Variants in RBFOX2 observed in about 807,000 individuals in gnomAD.
RBFOX2 encodes RNA binding fox-1 homolog 2.
RBFOX2 carries 10 observed loss-of-function variants against 49.1 expected under a neutral mutation model. That is an observed-to-expected ratio of 0.20 (90% CI 0.13 to 0.35). The LOEUF is 0.35. RBFOX2 is among the 10% of genes least tolerant of loss of function. The pLI is 1.00. For missense variants in RBFOX2, 323 were observed against 486.9 expected (o/e 0.66, Z 3.17); for synonymous variants, 183 against 187.4 (o/e 0.98, Z 0.19).
At chr22:35,770,491 T>C (rs149305520) in intron 4 of RBFOX2, among the ~76,000 whole-genome samples, 6 of 152,280 alleles carry the variant, frequency 3.9e-5, no homozygotes, top group African/African-American at 7.2e-5. Flanking sequence ...AATAGACATA[T>C]TGGTTTCATT....
chr22:35,925,135 T>C (rs1465673664), intron 1 of RBFOX2, among the ~76,000 whole-genome samples: 1 of 151,792 alleles, frequency 6.6e-6, no homozygotes, highest in Non-Finnish European at 1.5e-5. Context: ...GAGGTTGCAG[T>C]GAGCCGAGAT....
At chr22:35,924,144 CAT>C (rs1167712458) in intron 1 of RBFOX2, among the ~76,000 whole-genome samples, 3 of 152,186 alleles carry the variant, frequency 2.0e-5, no homozygotes, top group East Asian at 1.9e-4. Flanking sequence ...AGTGCCTGCA[CAT>C]AGTCAGTATT....
rs548277561 is a variant in RBFOX2, at chr22:36,014,569, C to CA, written c.186+13670dup. Among the ~76,000 whole-genome samples, 7 of 152,054 alleles carry CA rather than the reference C, an allele frequency of 4.6e-5. No individual in the cohort carries two copies. In the South Asian group the frequency reaches 1.2e-3, roughly 27 times the overall value. ...TATTTACTACTTGCTTCTAACACTG[C>CA]AAAAAATAACCCATAGTAAAGCTAA... On this transcript the variant is annotated intron_variant, in intron 1 of 13. Transcript: ENST00000438146.
At position 35,865,481 on chromosome 22, in the gene RBFOX2, C is replaced by T. The variant is rs1020970012; in HGVS notation, c.-33-55477G>A. ...CCCTACCTACACAGGTCCAAAAACC[C>T]GTATCTTTAATTCCAGCGTTCAAAA... On this transcript the variant is annotated intron_variant, in intron 1 of 13. Coordinates refer to the RBFOX2 transcript ENST00000359369. Among the ~76,000 whole-genome samples the T allele has an allele frequency of 4.6e-5, 7 of 152,080 alleles. No individual in the cohort carries two copies. In the South Asian group the frequency reaches 1.5e-3, roughly 32 times the overall value.
intron 1 of RBFOX2, among the ~76,000 whole-genome samples, chr22:36,018,313 T>C (rs775442992): frequency 1.3e-5 from 2 of 152,234 alleles, no homozygotes; most frequent in Non-Finnish European, 2.9e-5. Flanking sequence ...ACAAAAGGCA[T>C]CCAGGAGGAA....
chr22:35,902,070 ACT>A (rs1342135186), intron 1 of RBFOX2, among the ~76,000 whole-genome samples: 2 of 151,552 alleles, frequency 1.3e-5, no homozygotes, highest in African/African-American at 4.9e-5. Flanking sequence ...ACAGAGTGAG[ACT>A]CTGTCTCAAA....
rs561272647 is a variant in RBFOX2, at chr22:35,904,757, G to A, written c.-34+34090C>T. On this transcript the variant is annotated intron_variant, in intron 1 of 13. Coordinates refer to the RBFOX2 transcript ENST00000359369. ...CCAGTTCAAGCTCTCCTCTAATCAAGCTTGCTGTATATAAGTTAGTTAACT... is the reference window on the plus strand; with the variant it reads ...CCAGTTCAAGCTCTCCTCTAATCAAACTTGCTGTATATAAGTTAGTTAACT... Among the ~76,000 whole-genome samples, 3 of 152,230 alleles carry A rather than the reference G, an allele frequency of 2.0e-5. No individual in the cohort carries two copies. In the East Asian group the frequency reaches 5.8e-4, roughly 29 times the overall value.
chr22:36,023,980 TAAC>T (rs1171584405), intron 1 of RBFOX2, among the ~76,000 whole-genome samples: 13 of 152,356 alleles, frequency 8.5e-5, no homozygotes, highest in African/African-American at 2.4e-4. Context: ...TGGTACAACT[TAAC>T]AAGATTCAAC....
rs368940597 is a variant in RBFOX2 at position 36,010,027 on chromosome 22, T to C, written c.186+18213A>G. On this transcript the variant is annotated intron_variant, in intron 1 of 13. Transcript: ENST00000438146. The stretch of plus-strand genomic sequence containing the variant: ...CTCTTCTAAGGTAAAATCTACATCT[T>C]AGTGTGTGCTGCTGCCCTAGAGATG... Among the ~76,000 whole-genome samples, 14 of 152,166 alleles carry C rather than the reference T, an allele frequency of 9.2e-5. No homozygotes were observed. In the East Asian group the frequency reaches 2.1e-3, roughly 23 times the overall value.
chr22:35,895,003 G>A (rs1603441924), intron 1 of RBFOX2, among the ~76,000 whole-genome samples: 1 of 150,528 alleles, frequency 6.6e-6, no homozygotes, highest in African/African-American at 2.4e-5. Context: ...GAAAAGACTG[G>A]TCTCCTCCCC....
intron 1 of RBFOX2, among the ~76,000 whole-genome samples, chr22:35,854,909 C>T (rs1273084177): frequency 4.6e-5 from 7 of 151,992 alleles, no homozygotes; most frequent in Admixed American, 6.6e-5. Context: ...ACAAAACACA[C>T]TACAAAAAAT....
chr22:35,926,283 A>T (rs1384631707), intron 1 of RBFOX2, among the ~76,000 whole-genome samples: 1 of 152,246 alleles, frequency 6.6e-6, no homozygotes, highest in Non-Finnish European at 1.5e-5. Context: ...CAGCAAGAAT[A>T]TCCCTACTAA....
chr22:35,779,447 T>A lies in RBFOX2; in HGVS notation c.400-1369A>T, dbSNP rs565483821. On this transcript the variant is annotated intron_variant, in intron 3 of 11. Coordinates refer to ENST00000405409, the Ensembl canonical transcript of RBFOX2. ...CCTACTATCTTTATCAAAAAACTTG[T>A]ATTAATAACCCAAGTTTTCTACAGT... is the stretch of plus-strand genomic sequence containing the variant. Among the ~76,000 whole-genome samples, 13 of 152,328 alleles carry A rather than the reference T, an allele frequency of 8.5e-5. No individual in the cohort carries two copies. The South Asian group carries it at 2.5e-3, about 29-fold the overall frequency.
At chr22:35,795,754 C>T (rs1290419178) in intron 2 of RBFOX2, among the ~76,000 whole-genome samples, 1 of 151,446 alleles carries the variant, frequency 6.6e-6, no homozygotes, top group Non-Finnish European at 1.5e-5. Context: ...CAGCTATTTG[C>T]TCAAATCTCT....
chr22:35,835,254 T>C (rs1212227405), intron 1 of RBFOX2, among the ~76,000 whole-genome samples: 1 of 152,090 alleles, frequency 6.6e-6, no homozygotes, highest in Non-Finnish European at 1.5e-5. Flanking sequence ...ATACCAATAA[T>C]GTCAGATCCC....
intron 2 of RBFOX2, among the ~76,000 whole-genome samples, chr22:35,801,127 T>C (rs1199633531): frequency 6.6e-6 from 1 of 152,234 alleles, no homozygotes; most frequent in Non-Finnish European, 1.5e-5. Context: ...CCCAAAGGGA[T>C]ATTTTATAAA....
intron 1 of RBFOX2, among the ~76,000 whole-genome samples, chr22:35,991,456 A>G (rs1355560420): frequency 6.6e-6 from 1 of 152,228 alleles, no homozygotes; most frequent in Non-Finnish European, 1.5e-5. Context: ...AGATAAAAAA[A>G]ATTAGTCCAA....
intron 1 of RBFOX2, among the ~76,000 whole-genome samples, chr22:35,960,136 C>T (rs2056039020): frequency 6.6e-6 from 1 of 152,152 alleles, no homozygotes; most frequent in Non-Finnish European, 1.5e-5. Context: ...TATCTCCAGG[C>T]ACATTCTACC....
exon 12 of RBFOX2, chr22:35,743,497 G>A (rs1360424017): frequency 6.6e-6 from 1 of 152,168 alleles, no homozygotes; most frequent in African/African-American, 2.4e-5. Context: ...CACTGTCTGA[G>A]AGCACGTTTG....
Sources: gnomAD v4.1 joint callset for allele counts (sites outside exome capture counted in the v4.1 genomes callset) on GRCh38, gnomAD v4.1.1 for gene constraint, MANE v1.5 for transcripts, NCBI Gene and HGNC (gene_info 2026-07-23, HGNC 2026-07-21) for gene names.